The following DNAH14 variants were observed in gnomAD, a reference collection of about 807,000 sequenced individuals.
The protein encoded by DNAH14 is dynein axonemal heavy chain 14, also known as axonemal beta dynein heavy chain 14.
Under a neutral mutation model 520.9 loss-of-function variants are expected in DNAH14, and 478 were observed. The observed-to-expected ratio is 0.92, with a 90% CI of 0.85 to 0.99. DNAH14 has a LOEUF of 0.99. Among genes scored for constraint, DNAH14 ranks in the 50% least tolerant of loss-of-function variants. DNAH14 has a pLI of 0.00. For synonymous variants in DNAH14, 1,581 were observed against 1,757.2 expected (o/e 0.90, Z 2.51); for missense variants, 4,831 against 5,234.5 (o/e 0.92, Z 2.38).
intron 46 of DNAH14, among the ~76,000 whole-genome samples, chr1:225,261,252 T>C (rs1385827032): frequency 2.0e-5 from 3 of 152,218 alleles, no homozygotes; most frequent in Non-Finnish European, 2.9e-5. Context: ...TTTTGACCAC[T>C]GAGTATGATG....
chr1:225,320,561 C>T (rs1324874025), intron 61 of DNAH14, among the ~76,000 whole-genome samples: 1 of 152,230 alleles, frequency 6.6e-6, no homozygotes, highest in Non-Finnish European at 1.5e-5. Context: ...ACCTGATCTC[C>T]ATTGCTATTC....
chr1:225,292,373 T>C (rs568581256), intron 55 of DNAH14, among the ~76,000 whole-genome samples: 105 of 152,294 alleles, frequency 6.9e-4, no homozygotes, highest in Admixed American at 1.8e-3. Context: ...TTCCATTGTA[T>C]GTTCTCAGTG....
intron 41 of DNAH14, among the ~76,000 whole-genome samples, chr1:225,222,442 A>G (rs933590362): frequency 1.3e-5 from 2 of 152,180 alleles, no homozygotes; most frequent in African/African-American, 2.4e-5. Flanking sequence ...CACGGACCCA[A>G]AGAGTGACCA....
At chr1:225,218,027 C>A (rs2089608429) in intron 41 of DNAH14, among the ~76,000 whole-genome samples, 1 of 151,032 alleles carries the variant, frequency 6.6e-6, no homozygotes, top group Admixed American at 6.6e-5. Context: ...CCTCCTAGTC[C>A]CAACCCAGAA....
At chr1:225,032,868 C>T (rs1572591991) in intron 11 of DNAH14, among the ~76,000 whole-genome samples, 1 of 152,078 alleles carries the variant, frequency 6.6e-6, no homozygotes, top group Non-Finnish European at 1.5e-5. Flanking sequence ...TTATTGGCTG[C>T]TGTATGTCTT....
At chr1:225,266,407 A>G (rs775420351) in intron 48 of DNAH14, among the ~76,000 whole-genome samples, 1 of 152,152 alleles carries the variant, frequency 6.6e-6, no homozygotes, top group Non-Finnish European at 1.5e-5. Context: ...ATAGAAGGTG[A>G]ATAGAGTGTC....
intron 23 of DNAH14, among the ~76,000 whole-genome samples, chr1:225,113,156 C>T (rs930534056): frequency 1.3e-5 from 2 of 152,092 alleles, no homozygotes; most frequent in Non-Finnish European, 2.9e-5. Context: ...TTGGCTGTTA[C>T]TATCTATGTT....
intron 31 of DNAH14, among the ~76,000 whole-genome samples, chr1:225,150,892 G>A (rs2080440788): frequency 6.6e-6 from 1 of 152,012 alleles, no homozygotes; most frequent in South Asian, 2.1e-4. Flanking sequence ...TGTATTTTTA[G>A]TAGAGGTGGG....
At chr1:225,226,301 C>A (rs534817771) in intron 41 of DNAH14, among the ~76,000 whole-genome samples, 1 of 152,154 alleles carries the variant, frequency 6.6e-6, no homozygotes, top group Admixed American at 6.5e-5. Flanking sequence ...CACTATATAT[C>A]GCTCCACTAT....
intron 3 of DNAH14, among the ~76,000 whole-genome samples, chr1:224,958,266 G>A (rs2060630795): frequency 1.3e-5 from 2 of 152,108 alleles, no homozygotes; most frequent in Admixed American, 1.3e-4. Context: ...AGAAGAGCAA[G>A]TTAACTGGAC....
intron 23 of DNAH14, among the ~76,000 whole-genome samples, chr1:225,113,425 CAG>C (rs1370920616): frequency 6.6e-6 from 1 of 152,156 alleles, no homozygotes; most frequent in African/African-American, 2.4e-5. Context: ...CATGGTGGGT[CAG>C]ACCTGAAGCC....
intron 15 of DNAH14, among the ~76,000 whole-genome samples, chr1:225,045,956 C>G (rs1319066595): frequency 6.6e-6 from 1 of 151,994 alleles, no homozygotes; most frequent in African/African-American, 2.4e-5. Context: ...CTGTGGTGTT[C>G]TTAATGGTGA....
intron 11 of DNAH14, among the ~76,000 whole-genome samples, chr1:225,027,237 T>C (rs1303091089): frequency 6.6e-6 from 1 of 152,136 alleles, no homozygotes; most frequent in Admixed American, 6.6e-5. Flanking sequence ...TCTGATACCT[T>C]TTATTTCTTT....
At chr1:225,317,866 A>G (rs1379589839) in intron 60 of DNAH14, among the ~76,000 whole-genome samples, 1 of 152,208 alleles carries the variant, frequency 6.6e-6, no homozygotes, top group Admixed American at 6.5e-5. Flanking sequence ...TTCTATTACA[A>G]TATGACCTCT....
chr1:225,038,614 T>G, intron 11 of DNAH14, 80 bp from the exon 12 acceptor site: 1 of 1,378,260 alleles, frequency 7.3e-7, no homozygotes, highest in Non-Finnish European at 9.6e-7. Context: ...TGCTTTTTGT[T>G]GTTGAGTTGT....
In DNAH14 at chr1:225,158,052, T is replaced by C. The variant is rs185531292; in HGVS notation, c.5274-1262T>C. Among the ~76,000 whole-genome samples, 5 of 152,328 alleles carry C rather than the reference T, an allele frequency of 3.3e-5. No homozygotes were observed. The East Asian group carries it at 9.6e-4, about 29-fold the overall frequency. ...CCTGAAGAGAAGATTTTGAATATTCTCCTGACAAAGAAATGATAAATGTTT... is the reference window on the plus strand; with the variant it reads ...CCTGAAGAGAAGATTTTGAATATTCCCCTGACAAAGAAATGATAAATGTTT... On this transcript the variant is annotated intron_variant, in intron 34 of 85. Coordinates refer to ENST00000682510, the MANE Select transcript of DNAH14 (RefSeq NM_001367479.1).
At chr1:225,388,718 A>T (rs1170718169) in intron 82 of DNAH14, among the ~76,000 whole-genome samples, 1 of 152,232 alleles carries the variant, frequency 6.6e-6, no homozygotes, top group Admixed American at 6.5e-5. Flanking sequence ...ACAACATAGT[A>T]CATTTCTCTT....
At chr1:225,089,754 AT>A (rs748047683) in intron 21 of DNAH14, among the ~76,000 whole-genome samples, 69 of 152,270 alleles carry the variant, frequency 4.5e-4, no homozygotes, top group Non-Finnish European at 8.8e-4. Context: ...ATTTTAAAAA[AT>A]TTTTTACAGA....
chr1:225,031,574 A>T (rs1459048197), intron 11 of DNAH14, among the ~76,000 whole-genome samples: 1 of 152,120 alleles, frequency 6.6e-6, no homozygotes, highest in Non-Finnish European at 1.5e-5. Flanking sequence ...AGCTAAAAGA[A>T]GGAAAAATAT....
Sources: gnomAD v4.1 joint callset for allele counts (sites outside exome capture counted in the v4.1 genomes callset) on GRCh38, gnomAD v4.1.1 for gene constraint, MANE v1.5 for transcripts, NCBI Gene and HGNC (gene_info 2026-07-23, HGNC 2026-07-21) for gene names.